Variants in LRRC49 observed in about 807,000 individuals in gnomAD.
LRRC49 encodes the protein leucine-rich repeat-containing protein 49.
A neutral mutation model predicts 83.3 loss-of-function variants in LRRC49; 50 were observed. That is an observed-to-expected ratio of 0.60 (90% CI 0.48 to 0.76). The LOEUF (loss-of-function observed/expected upper bound fraction) is 0.76, where lower values mean the gene tolerates loss of function less well. LRRC49 is among the 30% of genes least tolerant of loss of function. The probability of loss-of-function intolerance (pLI) is 0.00; values close to 1 mark genes in which losing one functional copy is unlikely to be tolerated. For synonymous variants in LRRC49, 286 were observed against 283.3 expected (o/e 1.01, Z -0.10); for missense variants, 704 against 809.1 (o/e 0.87, Z 1.58).
chr15:70,919,300 G>T, intron 7 of LRRC49, 107 bp downstream of exon 7: 8 of 1,004,774 alleles, frequency 8.0e-6, no homozygotes, highest in South Asian at 2.1e-5. Context: ...CGGTTATTTA[G>T]GTTTTTTCTG....
chr15:71,049,218 CT>C (rs1198096834), intron 15 of LRRC49, among the ~76,000 whole-genome samples, 190 bp from the exon 16 acceptor site: 5 of 152,016 alleles, frequency 3.3e-5, no homozygotes, highest in Admixed American at 3.3e-4. Context: ...TACTGAGACC[CT>C]TGTTGTTATC....
At chr15:71,021,872 GC>G (rs1191112007) in intron 14 of LRRC49, among the ~76,000 whole-genome samples, 3 of 152,126 alleles carry the variant, frequency 2.0e-5, no homozygotes, top group Non-Finnish European at 4.4e-5. Context: ...TGAGTCCTAT[GC>G]TAAGAACTGA....
At chr15:70,921,089 T>C in intron 7 of LRRC49, among the ~76,000 whole-genome samples, 1 of 152,196 alleles carries the variant, frequency 6.6e-6, no homozygotes, top group East Asian at 1.9e-4. Context: ...TGCAGTTGAA[T>C]AGATCTTTTT....
At chr15:71,015,521 C>T (rs931882511) in intron 14 of LRRC49, among the ~76,000 whole-genome samples, 3 of 152,140 alleles carry the variant, frequency 2.0e-5, no homozygotes, top group Non-Finnish European at 2.9e-5. Flanking sequence ...AATGCTTGCC[C>T]GCAGTTCACC....
At chr15:70,893,516 T>A (rs202244646) in intron 1 of LRRC49, 68 bp from the exon 2 acceptor site, 1 of 260,242 alleles carries the variant, frequency 3.8e-6, no homozygotes, top group Non-Finnish European at 5.6e-6. Context: ...GTTTGTACCT[T>A]TTTTTTTTTT....
At chr15:70,929,769 C>T (rs1567057093) in intron 7 of LRRC49, among the ~76,000 whole-genome samples, 1 of 152,226 alleles carries the variant, frequency 6.6e-6, no homozygotes, top group Non-Finnish European at 1.5e-5. Flanking sequence ...TTCATAGCAT[C>T]TTTTCACCAG....
chr15:70,903,417 C>A (rs1031326825), intron 4 of LRRC49, among the ~76,000 whole-genome samples: 5 of 151,796 alleles, frequency 3.3e-5, no homozygotes, highest in African/African-American at 1.2e-4. Flanking sequence ...AAACTATTGC[C>A]CAAAATTTCC....
At chr15:70,929,256 A>G (rs924002425) in intron 7 of LRRC49, among the ~76,000 whole-genome samples, 9 of 152,196 alleles carry the variant, frequency 5.9e-5, no homozygotes, top group African/African-American at 1.7e-4. Context: ...GAGCACCACA[A>G]TAAAGCAAAT....
In LRRC49 at chr15:71,019,811, T is replaced by C. The variant is rs575946412; in HGVS notation, c.1703+6898T>C. On this transcript the variant is annotated intron_variant, in intron 14 of 15. Coordinates refer to ENST00000260382, the MANE Select transcript of LRRC49 (RefSeq NM_017691.5). ...TTAAATATCACTGTCTCTAAATATC[T>C]GGAAAAAGCAAATATACCTCCTCTC... 2.6e-5 allele frequency among the ~76,000 whole-genome samples: 4 copies of C among 152,314 alleles called. No individual in the cohort carries two copies. The South Asian group carries it at 6.2e-4, about 24-fold the overall frequency.
chr15:71,050,930 C>T lies in LRRC49; in HGVS notation c.*1318C>T, dbSNP rs1415091502. 6.6e-6 allele frequency: 1 copy of T among 152,086 alleles called. No individual in the cohort carries two copies. Among genetic ancestry groups the T allele is most frequent in the East Asian group, 1.9e-4 (1 of 5,180 alleles). 9.4% of individuals were successfully genotyped at this position (152,086 alleles called of 1,614,324 possible). On this transcript the variant is annotated 3_prime_UTR_variant, in exon 16 of 16. Transcript: ENST00000260382. ...TCTCGGCTCACTGCAAGCTCCGCTT[C>T]CCAGGTTCACGCCATTCTCCTGCCT...
intron 8 of LRRC49, among the ~76,000 whole-genome samples, chr15:70,945,851 T>C (rs1431191621): frequency 6.6e-6 from 1 of 152,150 alleles, no homozygotes; most frequent in African/African-American, 2.4e-5. Context: ...CACAGGAAGG[T>C]ATCACAGTGA....
chr15:70,957,682 A>G (rs1175047037), intron 8 of LRRC49, among the ~76,000 whole-genome samples: 2 of 152,182 alleles, frequency 1.3e-5, no homozygotes, highest in East Asian at 3.8e-4. Context: ...TTGGAAAAAA[A>G]AATGCTCTTC....
rs2039997411 is a variant in LRRC49, at chr15:71,051,752, T to C, written c.*2140T>C. On this transcript the variant is annotated 3_prime_UTR_variant, in exon 16 of 16. Transcript: ENST00000260382. ...TTTCTTGGCCCAGTCACCCTGGGAATCTTAGGAACACTAAGTCAGCACTCA... is the reference window on the plus strand; with the variant it reads ...TTTCTTGGCCCAGTCACCCTGGGAACCTTAGGAACACTAAGTCAGCACTCA... 1 of 152,404 alleles carries C rather than the reference T, an allele frequency of 6.6e-6. No homozygotes were observed. Among genetic ancestry groups the C allele is most frequent in the Non-Finnish European group, 1.5e-5 (1 of 68,208 alleles). 9.4% of individuals were successfully genotyped at this position (152,404 alleles called of 1,614,324 possible). A position where few individuals can be genotyped will look rare whatever the true frequency, so the allele number is the denominator to read the frequency against.
At chr15:70,945,471 A>G (rs2035973162) in intron 8 of LRRC49, among the ~76,000 whole-genome samples, 1 of 151,498 alleles carries the variant, frequency 6.6e-6, no homozygotes, top group Admixed American at 6.6e-5. Context: ...CTTAAAGAAT[A>G]TGGAATTCCC....
At chr15:70,901,062 G>T in intron 4 of LRRC49, 38 bp downstream of exon 4, 1 of 1,222,078 alleles carries the variant, frequency 8.2e-7, no homozygotes, top group Non-Finnish European at 1.2e-6. Flanking sequence ...TTTTTGACTA[G>T]GTAATACATA....
chr15:70,940,176 C>T (rs575418152), intron 8 of LRRC49, among the ~76,000 whole-genome samples: 1 of 151,854 alleles, frequency 6.6e-6, no homozygotes, highest in East Asian at 1.9e-4. Context: ...CCTTAAACTG[C>T]CCTGCAGTTG....
chr15:70,930,929 C>T (rs2035382874), intron 7 of LRRC49, among the ~76,000 whole-genome samples: 1 of 152,214 alleles, frequency 6.6e-6, no homozygotes. Context: ...AATACTGTGG[C>T]TGGTTTGATC....
At chr15:70,958,972 A>G (rs2036498543) in intron 8 of LRRC49, among the ~76,000 whole-genome samples, 1 of 152,194 alleles carries the variant, frequency 6.6e-6, no homozygotes, top group Non-Finnish European at 1.5e-5. Context: ...CTATACCATG[A>G]ATATTCTATA....
intron 15 of LRRC49, among the ~76,000 whole-genome samples, chr15:71,048,093 T>A (rs1004251849): frequency 1.4e-5 from 2 of 147,930 alleles, no homozygotes; most frequent in African/African-American, 5.0e-5. Flanking sequence ...TTTTTTTTTT[T>A]TTTTTTTTTA....
Sources: gnomAD v4.1 joint callset for allele counts (sites outside exome capture counted in the v4.1 genomes callset) on GRCh38, gnomAD v4.1.1 for gene constraint, MANE v1.5 for transcripts, NCBI Gene and HGNC (gene_info 2026-07-23, HGNC 2026-07-21) for gene names.